CCDC7: variants seen among roughly 807,000 people sequenced by gnomAD.
CCDC7 encodes the protein coiled-coil domain-containing protein 7.
CCDC7 carries 183 observed loss-of-function variants against 196.9 expected under a neutral mutation model. The ratio of observed to expected loss-of-function variants is 0.93; its 90% CI spans 0.82 to 1.05. CCDC7 has a LOEUF of 1.05. Ranked by LOEUF, CCDC7 falls within the 50% of genes least tolerant of loss-of-function variation. The probability of loss-of-function intolerance (pLI) is 0.00; values close to 1 mark genes in which losing one functional copy is unlikely to be tolerated. For missense variants in CCDC7, 1,540 were observed against 1,482.2 expected (o/e 1.04, Z -0.64); for synonymous variants, 525 against 484.6 (o/e 1.08, Z -1.10).
At chr10:32,564,769 T>A (rs1449366570) in intron 13 of CCDC7, among the ~76,000 whole-genome samples, 1 of 152,004 alleles carries the variant, frequency 6.6e-6, no homozygotes, top group Non-Finnish European at 1.5e-5. Context: ...AACCTGCACA[T>A]TGTGTACATG....
At chr10:32,466,525 T>A (rs2036838537) in intron 5 of CCDC7, among the ~76,000 whole-genome samples, 1 of 152,178 alleles carries the variant, frequency 6.6e-6, no homozygotes, top group African/African-American at 2.4e-5. Flanking sequence ...CATGCAGTAT[T>A]TGGTTTTACG....
chr10:32,830,674 G>T (rs917800527), intron 32 of CCDC7, among the ~76,000 whole-genome samples: 2 of 152,082 alleles, frequency 1.3e-5, no homozygotes, highest in Non-Finnish European at 2.9e-5. Context: ...AAATTCTAGC[G>T]TTGATAGTAC....
chr10:32,705,022 G>T (rs2079461657), intron 24 of CCDC7, among the ~76,000 whole-genome samples: 3 of 152,064 alleles, frequency 2.0e-5, no homozygotes, highest in African/African-American at 7.2e-5. Flanking sequence ...CCACTGTCCT[G>T]CACCCACTGT....
exon 17 of CCDC7, chr10:32,583,189 C>T: frequency 8.1e-7 from 1 of 1,231,478 alleles, no homozygotes; most frequent in Non-Finnish European, 1.0e-6. Context: ...AAATCACTTA[C>T]AACAGTATCA....
intron 28 of CCDC7, among the ~76,000 whole-genome samples, chr10:32,737,313 G>A (rs2085028959): frequency 6.6e-6 from 1 of 152,036 alleles, no homozygotes; most frequent in Admixed American, 6.6e-5. Context: ...TTGGTTTGTA[G>A]TTTTTTTCTT....
At chr10:32,518,006 A>T in intron 10 of CCDC7, 31 bp downstream of exon 11, 1 of 1,551,762 alleles carries the variant, frequency 6.4e-7, no homozygotes, top group Non-Finnish European at 8.7e-7. Context: ...TTGAAATTAC[A>T]CTTTGTCCTT....
intron 24 of CCDC7, among the ~76,000 whole-genome samples, chr10:32,710,623 C>A (rs985042390): frequency 1.3e-5 from 2 of 152,188 alleles, no homozygotes; most frequent in African/African-American, 2.4e-5. Flanking sequence ...CTTTCTAAGA[C>A]CCACTGATAG....
At chr10:32,688,962 A>G (rs1482615512) in intron 22 of CCDC7, 91 bp from the exon 24 acceptor site, 1 of 773,166 alleles carries the variant, frequency 1.3e-6, no homozygotes, top group Non-Finnish European at 2.2e-6. Flanking sequence ...AAATGAGAGA[A>G]AATGCCACTG....
chr10:32,871,760 A>G (rs973533061), intron 41 of CCDC7, among the ~76,000 whole-genome samples: 2 of 152,112 alleles, frequency 1.3e-5, no homozygotes, highest in Admixed American at 6.6e-5. Flanking sequence ...TTCCCTCTAC[A>G]CACTGCTTTG....
chr10:32,738,402 C>T (rs775433812), intron 28 of CCDC7, among the ~76,000 whole-genome samples: 1 of 151,282 alleles, frequency 6.6e-6, no homozygotes, highest in Non-Finnish European at 1.5e-5. Context: ...AACATTGTTA[C>T]CATTATTATT....
At chr10:32,684,826 A>T (rs1318788074) in intron 21 of CCDC7, among the ~76,000 whole-genome samples, 1 of 152,168 alleles carries the variant, frequency 6.6e-6, no homozygotes, top group Non-Finnish European at 1.5e-5. Context: ...TTCTCCACAC[A>T]CTTGTCCAAG....
At chr10:32,691,924 C>T (rs1205534551) in intron 23 of CCDC7, among the ~76,000 whole-genome samples, 4 of 152,202 alleles carry the variant, frequency 2.6e-5, no homozygotes, top group African/African-American at 4.8e-5. Flanking sequence ...TTACATCATT[C>T]GTCCCCCTTT....
intron 29 of CCDC7, among the ~76,000 whole-genome samples, chr10:32,800,125 A>G (rs2134990870): frequency 6.6e-6 from 1 of 152,238 alleles, no homozygotes; most frequent in East Asian, 1.9e-4. Flanking sequence ...ATCATTCTCC[A>G]AGATCCACCT....
intron 18 of CCDC7, among the ~76,000 whole-genome samples, chr10:32,613,928 A>G (rs2062470435): frequency 6.6e-6 from 1 of 152,086 alleles, no homozygotes. Context: ...GTAGATGTTT[A>G]TTAGGTCCAG....
chr10:32,824,454 T>G, intron 31 of CCDC7, 64 bp from the exon 33 acceptor site: 2 of 1,015,296 alleles, frequency 2.0e-6, no homozygotes, highest in Non-Finnish European at 1.5e-6. Flanking sequence ...ATTAGACACA[T>G]GCACACACAC....
At chr10:32,601,686 A>G (rs962985328) in intron 18 of CCDC7, among the ~76,000 whole-genome samples, 1 of 152,162 alleles carries the variant, frequency 6.6e-6, no homozygotes, top group Non-Finnish European at 1.5e-5. Context: ...TAAATGCACC[A>G]ATCAGCACTC....
intron 18 of CCDC7, among the ~76,000 whole-genome samples, chr10:32,630,857 C>T (rs1329980932): frequency 2.0e-5 from 3 of 152,040 alleles, no homozygotes; most frequent in Admixed American, 2.0e-4. Context: ...AGTCTTCTTC[C>T]AGTCAGGAAA....
chr10:32,684,963 T>C (rs2076294241), intron 21 of CCDC7, among the ~76,000 whole-genome samples: 2 of 137,728 alleles, frequency 1.5e-5, no homozygotes, highest in Admixed American at 6.8e-5. Flanking sequence ...TTTAATTTTT[T>C]TTTTTTTTGA....
chr10:32,563,455 T>C (rs1201865243), intron 13 of CCDC7, among the ~76,000 whole-genome samples: 1 of 152,058 alleles, frequency 6.6e-6, no homozygotes, highest in Non-Finnish European at 1.5e-5. Flanking sequence ...AACAGAGATA[T>C]AGATCAATGG....
Sources: allele counts gnomAD v4.1 joint callset (sites outside exome capture counted in the v4.1 genomes callset), GRCh38; gene constraint gnomAD v4.1.1; transcripts MANE v1.5; gene names NCBI Gene and HGNC (gene_info 2026-07-23, HGNC 2026-07-21).